The following MTA3 variants were observed in gnomAD, a reference collection of about 807,000 sequenced individuals.
MTA3 encodes the protein metastasis-associated protein MTA3.
MTA3 carries 34 observed loss-of-function variants against 83.5 expected under a neutral mutation model. The observed-to-expected ratio is 0.41, with a 90% CI of 0.31 to 0.54. The LOEUF is 0.54. Ranked by LOEUF, MTA3 falls within the 20% of genes least tolerant of loss-of-function variation. The pLI is 0.33. For missense variants in MTA3, 761 were observed against 726.4 expected (o/e 1.05, Z -0.55); for synonymous variants, 303 against 252.7 (o/e 1.20, Z -1.89).
intron 2 of MTA3, among the ~76,000 whole-genome samples, chr2:42,535,922 C>G (rs1254237863): frequency 1.5e-5 from 1 of 66,636 alleles, no homozygotes; most frequent in Non-Finnish European, 3.4e-5. Context: ...AGTTTGAGAC[C>G]AGCCTGGGCA....
At position 42,755,445 on chromosome 2, in the gene MTA3, T is replaced by C. The variant is rs1573868209; in HGVS notation, c.*2046T>C. On this transcript the variant is annotated 3_prime_UTR_variant, in exon 17 of 17. Coordinates refer to ENST00000405094, the MANE Select transcript of MTA3 (RefSeq NM_001330442.2). ...AGGGAGGCCCCTCCTATCTACCCAG[T>C]TGACATTTGGCTTTGGGAAAAGCGC... The C allele has an allele frequency of 1.5e-5, 15 of 985,490 alleles. No homozygotes were observed. Among genetic ancestry groups the C allele is most frequent in the African/African-American group, 3.5e-5 (2 of 57,366 alleles). 61.0% of individuals were successfully genotyped at this position (985,490 alleles called of 1,614,324 possible).
chr2:42,583,204 A>G (rs555167445), intron 3 of MTA3, among the ~76,000 whole-genome samples: 2 of 152,230 alleles, frequency 1.3e-5, no homozygotes, highest in Non-Finnish European at 2.9e-5. Flanking sequence ...GATTATCCCT[A>G]TGGGTGGATT....
rs1177761676 is a variant in MTA3, at chr2:42,637,416, A to G, written c.318-2757A>G. The stretch of plus-strand genomic sequence containing the variant: ...AATTGCCTATGGTATCTGTATACGG[A>G]ATTTGATAATAGTTCCTTTAGGTTG... On this transcript the variant is annotated intron_variant, in intron 4 of 16. Transcript: ENST00000405094. 2.0e-5 allele frequency among the ~76,000 whole-genome samples: 3 copies of G among 152,202 alleles called. No individual in the cohort carries two copies. In the East Asian group the frequency reaches 5.8e-4, roughly 29 times the overall value.
At chr2:42,742,854 A>G (rs1367657731) in intron 16 of MTA3, among the ~76,000 whole-genome samples, 1 of 152,228 alleles carries the variant, frequency 6.6e-6, no homozygotes, top group Non-Finnish European at 1.5e-5. Flanking sequence ...ACCTAAAAAT[A>G]TGATTTTTAA....
In MTA3 at chr2:42,548,866, A is replaced by ATAT. The variant is rs1306289358; in HGVS notation, c.-140-21570_-140-21568dup. 2.9e-3 allele frequency among the ~76,000 whole-genome samples: 49 copies of ATAT among 16,708 alleles called. 1 individual carries two copies. The highest frequency in any genetic ancestry group is 0.019 in the African/African-American group (46 of 2,436). 11.0% of individuals were successfully genotyped at this position (16,708 alleles called of 152,430 possible). A position where few individuals can be genotyped will look rare whatever the true frequency, so the allele number is the denominator to read the frequency against. ...TATATAATATATATATATAATATAT[A>ATAT]TATATATATAATATATATATATATA... On this transcript the variant is annotated intron_variant, in intron 2 of 17. Coordinates refer to the MTA3 transcript ENST00000405592.
At chr2:42,656,674 C>A (rs547578692) in intron 7 of MTA3, among the ~76,000 whole-genome samples, 1 of 152,244 alleles carries the variant, frequency 6.6e-6, no homozygotes, top group Non-Finnish European at 1.5e-5. Context: ...GGAATTCGCT[C>A]ACCGCATCCA....
intron 4 of MTA3, among the ~76,000 whole-genome samples, chr2:42,627,251 C>A (rs544510474): frequency 1.3e-5 from 2 of 151,814 alleles, no homozygotes; most frequent in Middle Eastern, 6.8e-3. Context: ...CTAACTTAAA[C>A]TTTTTTTTGT....
At chr2:42,606,063 G>C (rs1391185447) in intron 3 of MTA3, among the ~76,000 whole-genome samples, 5 of 121,492 alleles carry the variant, frequency 4.1e-5, no homozygotes, top group African/African-American at 9.6e-5. Context: ...CTGGCCGGGT[G>C]GGGGGGCTGA....
chr2:42,663,977 A>C (rs1292188656), intron 8 of MTA3, among the ~76,000 whole-genome samples: 2 of 152,126 alleles, frequency 1.3e-5, no homozygotes, highest in African/African-American at 2.4e-5. Flanking sequence ...AGGCTCAGGA[A>C]GTGGTGTTTT....
chr2:42,495,982 T>C (rs756501426), intron 2 of MTA3, among the ~76,000 whole-genome samples: 4 of 152,192 alleles, frequency 2.6e-5, no homozygotes, highest in African/African-American at 2.4e-5. Context: ...CCTGGCTTGA[T>C]ACCAAGAGCC....
At chr2:42,673,948 C>T (rs1335498356) in intron 8 of MTA3, among the ~76,000 whole-genome samples, 2 of 152,228 alleles carry the variant, frequency 1.3e-5, no homozygotes, top group African/African-American at 4.8e-5. Context: ...ACATCTATTA[C>T]ACTGCCCAAA....
intron 4 of MTA3, among the ~76,000 whole-genome samples, chr2:42,625,015 G>T (rs1685936832): frequency 6.6e-6 from 1 of 152,070 alleles, no homozygotes; most frequent in African/African-American, 2.4e-5. Context: ...GTAATTTGAA[G>T]ATCTGTTTTC....
chr2:42,649,289 C>T (rs1231607979), intron 6 of MTA3, among the ~76,000 whole-genome samples: 3 of 151,752 alleles, frequency 2.0e-5, no homozygotes, highest in Non-Finnish European at 4.4e-5. Context: ...CTCAGCTACT[C>T]GGGAGGCTGA....
chr2:42,537,099 C>T (rs1676280986), intron 2 of MTA3, among the ~76,000 whole-genome samples: 3 of 152,000 alleles, frequency 2.0e-5, no homozygotes, highest in African/African-American at 7.2e-5. Flanking sequence ...TATGCCCATC[C>T]CTGTACAGCT....
Position 42,520,956 on chromosome 2 carries a change from C to T in MTA3, c.-141+25702C>T, listed in dbSNP as rs368701484. 1.2e-4 allele frequency among the ~76,000 whole-genome samples: 18 copies of T among 152,280 alleles called. No individual in the cohort carries two copies. In the South Asian group the frequency reaches 3.7e-3, roughly 32 times the overall value. On this transcript the variant is annotated intron_variant, in intron 2 of 17. Transcript: ENST00000405592. The stretch of plus-strand genomic sequence containing the variant: ...ACTTTGATAAATATCTCTTTCCTCT[C>T]TCCCGGCATCTCTTAGAACTAACAA...
At chr2:42,638,876 A>G (rs374564837) in intron 4 of MTA3, among the ~76,000 whole-genome samples, 7 of 126,800 alleles carry the variant, frequency 5.5e-5, no homozygotes, top group East Asian at 2.1e-4. Flanking sequence ...AGAAAAAGAC[A>G]TTTTTATAAG....
chr2:42,596,997 C>T (rs972113564), intron 3 of MTA3, among the ~76,000 whole-genome samples: 15 of 151,662 alleles, frequency 9.9e-5, no homozygotes, highest in Admixed American at 8.5e-4. Flanking sequence ...CTCTGCCTCC[C>T]GGGTTCAAGC....
intron 4 of MTA3, among the ~76,000 whole-genome samples, chr2:42,621,894 G>A (rs1212852344): frequency 6.6e-6 from 1 of 151,506 alleles, no homozygotes; most frequent in Non-Finnish European, 1.5e-5. Context: ...CTTCCTAGAC[G>A]GGAAGAGGCG....
chr2:42,672,714 G>C (rs147066655), intron 8 of MTA3, among the ~76,000 whole-genome samples: 62 of 151,278 alleles, frequency 4.1e-4, no homozygotes, highest in African/African-American at 1.5e-3. Context: ...ACATGACTCA[G>C]GGTGTCTTTT....
Sources: allele counts gnomAD v4.1 joint callset (sites outside exome capture counted in the v4.1 genomes callset), GRCh38; gene constraint gnomAD v4.1.1; transcripts MANE v1.5; gene names NCBI Gene and HGNC (gene_info 2026-07-23, HGNC 2026-07-21).